Variants in ZNRF3 observed in about 807,000 individuals in gnomAD.
The protein encoded by ZNRF3 is E3 ubiquitin-protein ligase ZNRF3.
In ZNRF3, 23 loss-of-function variants were observed where a neutral mutation model predicts 72.5. The observed-to-expected ratio is 0.32, with a 90% confidence interval of 0.23 to 0.45. The LOEUF (loss-of-function observed/expected upper bound fraction) is 0.45, where lower values mean the gene tolerates loss of function less well. Among genes scored for constraint, ZNRF3 ranks in the 20% least tolerant of loss-of-function variants. The pLI, the probability that ZNRF3 is intolerant of heterozygous loss-of-function variation, is 1.00. For missense variants in ZNRF3, 1,169 were observed against 1,272.1 expected (o/e 0.92, Z 1.23); for synonymous variants, 610 against 545.3 (o/e 1.12, Z -1.65).
intron 1 of ZNRF3, 105 bp from the exon 2 acceptor site, chr22:28,986,971 A>C: frequency 6.8e-7 from 1 of 1,462,172 alleles, no homozygotes; most frequent in Non-Finnish European, 9.1e-7. Context: ...TTAAAATTTT[A>C]AGTTTTGACG....
At chr22:29,034,948 C>G (rs1180623799) in intron 2 of ZNRF3, among the ~76,000 whole-genome samples, 1 of 149,966 alleles carries the variant, frequency 6.7e-6, no homozygotes, top group South Asian at 2.1e-4. Flanking sequence ...ATGGTTAATG[C>G]AAATAGAATT....
At position 29,049,627 on chromosome 22, in the gene ZNRF3, G is replaced by A; in HGVS notation, c.1446G>A (p.Gln482=). 6.2e-7 allele frequency: 1 copy of A among 1,611,006 alleles called. No individual in the cohort carries two copies. Among genetic ancestry groups the A allele is most frequent in the East Asian group, 2.2e-5 (1 of 44,868 alleles). ...YYFQGLSYPE[Q]EGQSPPSLAP... is the part of the protein sequence containing the mutation. ...TCCAGGGCCTCAGCTACCCGGAGCAGGAGGGGCAGTCCCCACCTAGCCTCG... is the reference window on the plus strand; with the variant it reads ...TCCAGGGCCTCAGCTACCCGGAGCAAGAGGGGCAGTCCCCACCTAGCCTCG... Residue 482 remains glutamine (Q), a synonymous_variant, in exon 8 of 9, where the codon CAG becomes CAA. Transcript: ENST00000544604. This position sits in a 1 kb window ranked among gnomAD's most constrained non-coding sequence, Gnocchi z 5.2.
chr22:28,896,054 G>C (rs937899416), intron 1 of ZNRF3, among the ~76,000 whole-genome samples: 1 of 150,816 alleles, frequency 6.6e-6, no homozygotes, highest in South Asian at 2.1e-4. Context: ...GGGTTCAAGC[G>C]ATTCTCCTGC....
intron 1 of ZNRF3, chr22:28,986,602 C>T (rs2035858191): frequency 1.0e-6 from 1 of 985,246 alleles, no homozygotes; most frequent in South Asian, 4.7e-5. Context: ...TCTGTGGTCT[C>T]TGCATAGAGT....
intron 1 of ZNRF3, among the ~76,000 whole-genome samples, chr22:28,956,350 T>G (rs958768067): frequency 6.7e-6 from 1 of 150,164 alleles, no homozygotes; most frequent in Non-Finnish European, 1.5e-5. Flanking sequence ...TTGTTTCCAT[T>G]TCCTTTTTTT....
chr22:29,051,497 A>G (rs373445833), intron 8 of ZNRF3, among the ~76,000 whole-genome samples: 5 of 151,832 alleles, frequency 3.3e-5, no homozygotes, highest in African/African-American at 1.2e-4. Context: ...CCAGCTACTC[A>G]GGATGCTGAG....
chr22:29,013,868 T>C (rs1288615717), intron 2 of ZNRF3, among the ~76,000 whole-genome samples: 1 of 152,226 alleles, frequency 6.6e-6, no homozygotes, highest in African/African-American at 2.4e-5. Flanking sequence ...TTCATTAGCA[T>C]GAGGCACTGG....
At chr22:28,891,828 T>G (rs5762880) in intron 1 of ZNRF3, among the ~76,000 whole-genome samples, 59,761 of 151,996 alleles carry the variant, frequency 0.39, 12,950 homozygotes, top group East Asian at 0.61. Context: ...CTTTTCCTCT[T>G]CTTTTTTTAA....
rs117022494 is a variant in ZNRF3, at chr22:29,047,399, G to A, written c.912+516G>A. 3.8e-3 allele frequency among the ~76,000 whole-genome samples: 577 copies of A among 151,530 alleles called. 8 individuals are homozygous for A. In the East Asian group the frequency reaches 0.043, roughly 11 times the overall value. On this transcript the variant is annotated intron_variant, in intron 6 of 8. Transcript: ENST00000544604. ...CAGATGCATACATACACATATTTGCGGGGCAGGGAGCAAACCACTTGAGAA... is the reference window on the plus strand; with the variant it reads ...CAGATGCATACATACACATATTTGCAGGGCAGGGAGCAAACCACTTGAGAA...
chr22:28,938,814 G>A (rs1359793827), intron 1 of ZNRF3, among the ~76,000 whole-genome samples: 1 of 152,128 alleles, frequency 6.6e-6, no homozygotes, highest in Non-Finnish European at 1.5e-5. Flanking sequence ...TGTAAGATGG[G>A]TTTCGGATAC....
intron 1 of ZNRF3, among the ~76,000 whole-genome samples, chr22:28,983,743 C>T (rs5762931): frequency 6.6e-6 from 1 of 152,104 alleles, no homozygotes; most frequent in Non-Finnish European, 1.5e-5. Flanking sequence ...CATCTCTCAA[C>T]GTGTGTCCCA....
chr22:29,020,273 T>C (rs11090554), intron 2 of ZNRF3, among the ~76,000 whole-genome samples: 185 of 133,356 alleles, frequency 1.4e-3, no homozygotes, highest in South Asian at 5.5e-3. Context: ...TTTTTTTTTT[T>C]CCCCCAAGAC....
intron 1 of ZNRF3, among the ~76,000 whole-genome samples, chr22:28,895,860 T>A (rs2033984124): frequency 6.6e-6 from 1 of 152,180 alleles, no homozygotes; most frequent in African/African-American, 2.4e-5. Flanking sequence ...TGCCTGTTGC[T>A]TTAGGGTTCC....
At chr22:28,994,918 C>G (rs116669139) in intron 2 of ZNRF3, among the ~76,000 whole-genome samples, 1 of 152,126 alleles carries the variant, frequency 6.6e-6, no homozygotes, top group Non-Finnish European at 1.5e-5. Context: ...AAAGCAAACC[C>G]GCATCCCATA....
chr22:29,026,866 C>G (rs1306156036), intron 2 of ZNRF3: 1 of 152,180 alleles, frequency 6.6e-6, no homozygotes, highest in Non-Finnish European at 1.5e-5. Flanking sequence ...GTATCTTTCC[C>G]CAGACATCAC....
intron 5 of ZNRF3, among the ~76,000 whole-genome samples, chr22:29,045,265 G>A (rs2037045114): frequency 6.6e-6 from 1 of 151,638 alleles, no homozygotes; most frequent in South Asian, 2.1e-4. Flanking sequence ...GGAGGCTGAG[G>A]TGGGAGGATC....
At chr22:28,933,220 C>T (rs2034744081) in intron 1 of ZNRF3, among the ~76,000 whole-genome samples, 1 of 151,832 alleles carries the variant, frequency 6.6e-6, no homozygotes, top group South Asian at 2.1e-4. Context: ...TTCTCCTTAA[C>T]TTCTCTGGAA....
intron 2 of ZNRF3, among the ~76,000 whole-genome samples, chr22:28,988,952 T>C (rs563609612): frequency 6.6e-6 from 1 of 152,318 alleles, no homozygotes; most frequent in African/African-American, 2.4e-5. Context: ...AGAACCCAAC[T>C]ATTTCCTCCT....
intron 1 of ZNRF3, among the ~76,000 whole-genome samples, chr22:28,906,489 T>C (rs1384854696): frequency 6.6e-6 from 1 of 152,248 alleles, no homozygotes; most frequent in Non-Finnish European, 1.5e-5. Context: ...GACAGCTCTG[T>C]GACCTTGGCC....
Sources: allele counts gnomAD v4.1 joint callset (sites outside exome capture counted in the v4.1 genomes callset), GRCh38; gene constraint gnomAD v4.1.1; non-coding constraint Gnocchi (gnomAD v3.1); transcripts MANE v1.5; gene names NCBI Gene and HGNC (gene_info 2026-07-23, HGNC 2026-07-21).